TXNRD1: variants seen among roughly 807,000 people sequenced by gnomAD.
TXNRD1 encodes the protein thioredoxin reductase 1, cytoplasmic.
In TXNRD1, 57 loss-of-function variants were observed where a neutral mutation model predicts 80.3. The observed-to-expected ratio is 0.71, with a 90% CI of 0.57 to 0.89. The LOEUF is 0.89. TXNRD1 is among the 40% of genes least tolerant of loss of function. The probability of loss-of-function intolerance (pLI) is 0.00; values close to 1 mark genes in which losing one functional copy is unlikely to be tolerated. For synonymous variants in TXNRD1, 291 were observed against 285.2 expected (o/e 1.02, Z -0.20); for missense variants, 730 against 803.0 (o/e 0.91, Z 1.10).
At chr12:104,243,459 A>C (rs2032918093) in intron 1 of TXNRD1, among the ~76,000 whole-genome samples, 1 of 152,166 alleles carries the variant, frequency 6.6e-6, no homozygotes, top group Admixed American at 6.6e-5. Context: ...TCTTTACTTG[A>C]TGGGGTCTTG....
At position 104,265,920 on chromosome 12, in the gene TXNRD1, G is replaced by GGCT. The variant is rs2135717610; in HGVS notation, c.304+7843_304+7845dup. On this transcript the variant is annotated intron_variant, in intron 3 of 16. Coordinates refer to ENST00000525566, the MANE Select transcript of TXNRD1 (RefSeq NM_001093771.3). Reference sequence around the variant, plus strand: ...AAAAAAAAAAAAAAAAAAGTGATCTGGCTGGACAAACTGAGCCAGTCCCAC... The same window carrying GGCT: ...AAAAAAAAAAAAAAAAAAGTGATCTGGCTGCTGGACAAACTGAGCCAGTCCCAC... The GGCT allele has an allele frequency of 6.3e-6, 5 of 797,456 alleles. No homozygotes were observed. In the South Asian group the frequency reaches 8.5e-5, roughly 14 times the overall value. 49.4% of individuals were successfully genotyped at this position (797,456 alleles called of 1,614,324 possible).
intron 10 of TXNRD1, among the ~76,000 whole-genome samples, chr12:104,322,497 C>T (rs1163952344): frequency 2.0e-5 from 3 of 149,986 alleles, no homozygotes. Flanking sequence ...TCTGGTGCCT[C>T]AGCCTCCTGA....
chr12:104,256,798 GAAAA>G (rs1484218924), intron 2 of TXNRD1, among the ~76,000 whole-genome samples: 1 of 143,852 alleles, frequency 7.0e-6, no homozygotes, highest in Non-Finnish European at 1.5e-5. Flanking sequence ...AAAAGAAAAA[GAAAA>G]AGAAAGAAAA....
At chr12:104,216,607 C>T (rs751109102) in intron 1 of TXNRD1, among the ~76,000 whole-genome samples, 1 of 152,146 alleles carries the variant, frequency 6.6e-6, no homozygotes, top group African/African-American at 2.4e-5. Flanking sequence ...ATGTTTCCAG[C>T]CATACTGAGA....
At chr12:104,231,396 G>A (rs571137616) in intron 1 of TXNRD1, among the ~76,000 whole-genome samples, 71 of 152,156 alleles carry the variant, frequency 4.7e-4, no homozygotes, top group Non-Finnish European at 8.8e-4. Flanking sequence ...GAGTTGGATT[G>A]CTTCTAGGCG....
chr12:104,257,963 C>T, intron 2 of TXNRD1, 56 bp from the exon 3 acceptor site: 4 of 1,341,472 alleles, frequency 3.0e-6, no homozygotes, highest in South Asian at 2.7e-5. Context: ...AAGAGATTCT[C>T]TTGTTGGTTA....
chr12:104,298,945 C>T (rs1027058276), intron 4 of TXNRD1, among the ~76,000 whole-genome samples: 5 of 151,990 alleles, frequency 3.3e-5, no homozygotes, highest in Admixed American at 6.6e-5. Context: ...AGTTGTCCCT[C>T]GGTATCTTCA....
At position 104,288,243 on chromosome 12, in the gene TXNRD1, C is replaced by T. The variant is rs2135743358; in HGVS notation, c.305-688C>T. ...TGACCTCATGATCCACCCGCCTCGG[C>T]CTCCCAAATAAGCAGCTATACTTTT... On this transcript the variant is annotated intron_variant, in intron 3 of 16. Coordinates refer to ENST00000525566, the MANE Select transcript of TXNRD1 (RefSeq NM_001093771.3). Among the ~76,000 whole-genome samples the T allele has an allele frequency of 2.0e-5, 3 of 152,282 alleles. No individual in the cohort carries two copies. The Middle Eastern group carries it at 0.01, about 518-fold the overall frequency.
intron 15 of TXNRD1, among the ~76,000 whole-genome samples, chr12:104,338,917 C>G (rs973438932): frequency 6.6e-6 from 1 of 151,968 alleles, no homozygotes; most frequent in African/African-American, 2.4e-5. Flanking sequence ...GGGGTTTCAC[C>G]GTGTTAACCA....
At chr12:104,313,943 A>G (rs2035228679) in intron 6 of TXNRD1, among the ~76,000 whole-genome samples, 1 of 152,246 alleles carries the variant, frequency 6.6e-6, no homozygotes, top group Non-Finnish European at 1.5e-5. Flanking sequence ...CGAGAAGATT[A>G]TCAAGGAAGA....
In TXNRD1 at chr12:104,302,486, CTT is replaced by C. The variant is rs772202256; in HGVS notation, c.415-8784_415-8783del. ...TTTAAAAACCAGATGTATTCATTCC[CTT>C]TTTTTTTTTTTTTTTTTTTGAGACG... On this transcript the variant is annotated intron_variant, in intron 4 of 16. Transcript: ENST00000525566. 3.4e-3 allele frequency among the ~76,000 whole-genome samples: 256 copies of C among 76,222 alleles called. 1 individual carries two copies. The highest frequency in any genetic ancestry group is 5.2e-3 in the Admixed American group (28 of 5,378). 50.0% of individuals were successfully genotyped at this position (76,222 alleles called of 152,430 possible).
intron 3 of TXNRD1, among the ~76,000 whole-genome samples, chr12:104,282,215 C>T (rs2033893759): frequency 6.6e-6 from 1 of 152,166 alleles, no homozygotes; most frequent in Non-Finnish European, 1.5e-5. Context: ...AGCTAGCAAG[C>T]TCTGGTGAGT....
chr12:104,332,438 C>A (rs970146627), intron 14 of TXNRD1, among the ~76,000 whole-genome samples: 1 of 151,824 alleles, frequency 6.6e-6, no homozygotes, highest in Non-Finnish European at 1.5e-5. Context: ...CATTATTAAC[C>A]TTTTTTTCTG....
chr12:104,348,113 A>G (rs2036551613), intron 16 of TXNRD1, among the ~76,000 whole-genome samples: 1 of 152,178 alleles, frequency 6.6e-6, no homozygotes, highest in African/African-American at 2.4e-5. Flanking sequence ...CCTCATGCTA[A>G]CAAAATTCTT....
At chr12:104,290,384 G>C (rs1285743823) in intron 4 of TXNRD1, among the ~76,000 whole-genome samples, 1 of 151,920 alleles carries the variant, frequency 6.6e-6, no homozygotes, top group South Asian at 2.1e-4. Flanking sequence ...AAGAGATAAC[G>C]GTCTATTATA....
intron 1 of TXNRD1, among the ~76,000 whole-genome samples, chr12:104,229,887 G>A (rs747120442): frequency 1.3e-5 from 2 of 151,742 alleles, no homozygotes; most frequent in Non-Finnish European, 2.9e-5. Context: ...CACTGTGCCC[G>A]GGCAATTTTT....
chr12:104,292,637 C>T (rs982084888), intron 4 of TXNRD1, among the ~76,000 whole-genome samples: 17 of 152,082 alleles, frequency 1.1e-4, no homozygotes, highest in African/African-American at 4.1e-4. Context: ...ACAGGTGATC[C>T]ACCCACCTCG....
chr12:104,293,241 A>G (rs1005270311), intron 4 of TXNRD1, among the ~76,000 whole-genome samples: 2 of 152,208 alleles, frequency 1.3e-5, no homozygotes, highest in African/African-American at 4.8e-5. Context: ...CTGGAATAAT[A>G]CCAAGTGTCA....
chr12:104,298,203 G>A (rs1466056270), intron 4 of TXNRD1, among the ~76,000 whole-genome samples: 2 of 152,134 alleles, frequency 1.3e-5, no homozygotes, highest in Non-Finnish European at 2.9e-5. Context: ...AGCTATTCCT[G>A]AGAAAAATGC....
Sources: gnomAD v4.1 joint callset for allele counts (sites outside exome capture counted in the v4.1 genomes callset) on GRCh38, gnomAD v4.1.1 for gene constraint, MANE v1.5 for transcripts, NCBI Gene and HGNC (gene_info 2026-07-23, HGNC 2026-07-21) for gene names.